Variants in DNAH8 observed in about 807,000 individuals in gnomAD.
DNAH8 encodes the protein axonemal beta dynein heavy chain 8.
In DNAH8, 382 loss-of-function variants were observed where a neutral mutation model predicts 562.1. The observed-to-expected ratio is 0.68, with a 90% CI of 0.63 to 0.74. The LOEUF is 0.74. Among genes scored for constraint, DNAH8 ranks in the 30% least tolerant of loss-of-function variants. The probability of loss-of-function intolerance (pLI) is 0.00; values close to 1 mark genes in which losing one functional copy is unlikely to be tolerated. For synonymous variants in DNAH8, 1,881 were observed against 1,919.4 expected, an observed-to-expected ratio of 0.98 and a Z score of 0.52; for missense variants, 5,203 against 5,620.4, an observed-to-expected ratio of 0.93 and a Z score of 2.37.
chr6:38,845,102 A>T (rs1437443799), intron 35 of DNAH8, among the ~76,000 whole-genome samples: 1 of 152,188 alleles, frequency 6.6e-6, no homozygotes, highest in Non-Finnish European at 1.5e-5. Context: ...AAAAACCCAT[A>T]AGAAAAAAAC....
In DNAH8 at chr6:38,723,124, T is replaced by G; in HGVS notation, c.315T>G (p.Ser105=). The G allele has an allele frequency of 6.2e-7, 1 of 1,612,862 alleles. No individual in the cohort carries two copies. The highest frequency in any genetic ancestry group is 8.5e-7 in the Non-Finnish European group (1 of 1,179,894). The change falls in exon 2 of 93, where the codon TCT becomes TCG. Residue 105 remains serine, a synonymous_variant. Transcript: ENST00000327475. ...TTTCGGAAGTGCTGTCCTTGCCGTC[T>G]TCCCGGAGGTCCTCCAGATACCGCC... is the stretch of plus-strand genomic sequence containing the variant. ...SVISEVLSLP[S]SRRSSRYRRS...
At chr6:39,007,601 G>A (rs937708327) in intron 88 of DNAH8, among the ~76,000 whole-genome samples, 2 of 152,042 alleles carry the variant, frequency 1.3e-5, no homozygotes, top group African/African-American at 4.8e-5. Flanking sequence ...TTGCCTTTAG[G>A]GTGGTGTTCA....
At chr6:38,747,920 T>A (rs1459732192) in intron 8 of DNAH8, among the ~76,000 whole-genome samples, 3 of 152,250 alleles carry the variant, frequency 2.0e-5, no homozygotes, top group Admixed American at 2.0e-4. Flanking sequence ...TACTCAACAT[T>A]ATTTGTGAGA....
intron 32 of DNAH8, among the ~76,000 whole-genome samples, chr6:38,836,732 C>T (rs1678735): frequency 0.21 from 31,264 of 151,862 alleles, 3,947 homozygotes; most frequent in African/African-American, 0.35. Flanking sequence ...TGTGTGAAGG[C>T]AGAGGTGCCT....
At chr6:38,992,404 G>A (rs1028086493) in intron 88 of DNAH8, among the ~76,000 whole-genome samples, 2 of 152,224 alleles carry the variant, frequency 1.3e-5, no homozygotes, top group African/African-American at 2.4e-5. Context: ...TGGGGCTCAG[G>A]AAGTATTTGT....
At chr6:38,898,117 C>G (rs190039010) in intron 60 of DNAH8, 141 bp from the exon 61 acceptor site, 1 of 736,958 alleles carries the variant, frequency 1.4e-6, no homozygotes, top group African/African-American at 1.9e-5. Flanking sequence ...TAGACTAATA[C>G]GTGAGAAACC....
In DNAH8 at chr6:38,741,647, G is replaced by A; in HGVS notation, c.1117-64G>A. 4 of 1,367,960 alleles carry A rather than the reference G, an allele frequency of 2.9e-6. No individual in the cohort carries two copies. In the South Asian group the frequency reaches 5.9e-5, roughly 20 times the overall value. 84.7% of individuals were successfully genotyped at this position (1,367,960 alleles called of 1,614,324 possible). ...TACTTTCAGCTGCCTTCAAAAAGAT[G>A]CAATCAGATTTTAACAAAGAAGAAT... On this transcript the variant is annotated intron_variant, in intron 7 of 92. Coordinates refer to ENST00000327475, the MANE Select transcript of DNAH8 (RefSeq NM_001206927.2).
At chr6:38,934,993 A>C (rs1008308452) in intron 76 of DNAH8, among the ~76,000 whole-genome samples, 2 of 152,364 alleles carry the variant, frequency 1.3e-5, no homozygotes, top group South Asian at 4.1e-4. Context: ...ATATAATTTT[A>C]AAAATATATC....
At chr6:38,716,173 A>G (rs746733744) in intron 1 of DNAH8, among the ~76,000 whole-genome samples, 13 of 150,374 alleles carry the variant, frequency 8.6e-5, no homozygotes, top group Non-Finnish European at 1.6e-4. Flanking sequence ...GTGTTAGCCA[A>G]GATGGTCTCG....
chr6:38,775,443 C>A (rs1255888332), intron 12 of DNAH8, among the ~76,000 whole-genome samples: 1 of 152,136 alleles, frequency 6.6e-6, no homozygotes, highest in Non-Finnish European at 1.5e-5. Flanking sequence ...AGAAAATCCT[C>A]AAGAGACCAC....
intron 62 of DNAH8, among the ~76,000 whole-genome samples, chr6:38,903,611 C>T (rs9380806): frequency 0.53 from 72,904 of 136,940 alleles, 19,757 homozygotes; most frequent in African/African-American, 0.7. Flanking sequence ...TTTCTTTCTT[C>T]CTTTTTTTTT....
At chr6:38,825,305 T>C (rs1157643883) in intron 28 of DNAH8, among the ~76,000 whole-genome samples, 1 of 152,134 alleles carries the variant, frequency 6.6e-6, no homozygotes, top group Non-Finnish European at 1.5e-5. Flanking sequence ...GGTGCAGCCA[T>C]GTTTCAAGCT....
chr6:38,765,706 A>G (rs987443791), intron 11 of DNAH8, among the ~76,000 whole-genome samples: 9 of 152,174 alleles, frequency 5.9e-5, no homozygotes, highest in Non-Finnish European at 7.4e-5. Flanking sequence ...GCTTGGTAGT[A>G]TATAAAAATA....
chr6:38,826,021 A>T lies in DNAH8; in HGVS notation c.3848-135A>T, dbSNP rs980192174. 5.3e-5 allele frequency: 32 copies of T among 606,916 alleles called. No individual in the cohort carries two copies. In the African/African-American group the frequency reaches 6.0e-4, roughly 11 times the overall value. The allele number at this position is 606,916 out of a possible 1,614,324, so 37.6% of individuals were successfully genotyped here. A position where few individuals can be genotyped will look rare whatever the true frequency, so the allele number is the denominator to read the frequency against. ...AGTAACCTTATAGCACATGTAATTC[A>T]TACTAACCACATTTCAAGTGTTCAA... On this transcript the variant is annotated intron_variant, in intron 28 of 92. Coordinates refer to ENST00000327475, the MANE Select transcript of DNAH8 (RefSeq NM_001206927.2).
chr6:38,742,001 C>T (rs1582877935), intron 8 of DNAH8, 114 bp downstream of exon 8: 2 of 799,420 alleles, frequency 2.5e-6, no homozygotes, highest in East Asian at 2.8e-5. Flanking sequence ...AAGTGTTAGC[C>T]TTTGAGTAAG....
At chr6:39,008,555 A>C (rs1765952357) in intron 88 of DNAH8, among the ~76,000 whole-genome samples, 1 of 152,134 alleles carries the variant, frequency 6.6e-6, no homozygotes, top group Non-Finnish European at 1.5e-5. Flanking sequence ...TTGGATTTCC[A>C]AGGGTGTTTT....
intron 21 of DNAH8, among the ~76,000 whole-genome samples, chr6:38,794,175 A>G (rs1384687605): frequency 1.3e-5 from 2 of 152,190 alleles, no homozygotes; most frequent in Admixed American, 6.5e-5. Flanking sequence ...AGCCTCAACC[A>G]AGGTAGCTGA....
At chr6:38,900,935 G>A (rs953718603) in intron 62 of DNAH8, among the ~76,000 whole-genome samples, 3 of 152,154 alleles carry the variant, frequency 2.0e-5, no homozygotes, top group Non-Finnish European at 4.4e-5. Context: ...TGTGTGGAGT[G>A]GTAGCTCACT....
Position 38,862,357 on chromosome 6 carries a change from C to T in DNAH8, c.6209C>T (p.Thr2070Ile). The change falls in exon 44 of 93, where the codon ACA becomes ATA. Residue 2070 changes from threonine to isoleucine, a missense_variant. Thr to Ile is a moderately conservative substitution (Grantham distance 89). This residue lies in a region of DNAH8 where 2,176 missense variants were observed against 2,365.1 expected (regional missense o/e 0.92). Transcript: ENST00000327475. Reference protein sequence around the residue: ...APAGPAGTGKTETTKDMGRCL... With the variant: ...APAGPAGTGKIETTKDMGRCL... Reference sequence around the variant, plus strand: ...GCAGGACCTGCTGGCACTGGCAAAACAGAAACCACAAAAGACATGGGAAGG... The same window carrying T: ...GCAGGACCTGCTGGCACTGGCAAAATAGAAACCACAAAAGACATGGGAAGG... 6.2e-7 allele frequency: 1 copy of T among 1,614,130 alleles called. No homozygotes were observed. The highest frequency in any genetic ancestry group is 8.5e-7 in the Non-Finnish European group (1 of 1,180,000).
Sources: allele counts gnomAD v4.1 joint callset (sites outside exome capture counted in the v4.1 genomes callset), GRCh38; gene constraint gnomAD v4.1.1; regional missense constraint gnomAD v4.1.1; transcripts MANE v1.5; gene names NCBI Gene and HGNC (gene_info 2026-07-23, HGNC 2026-07-21).